Variants in LGSN observed in about 807,000 individuals in gnomAD.
The protein encoded by LGSN is lengsin.
A neutral mutation model predicts 19.5 loss-of-function variants in LGSN; 21 were observed. The observed-to-expected ratio is 1.07, with a 90% confidence interval of 0.76 to 1.55. LGSN has a LOEUF of 1.55. Ranked by LOEUF, LGSN falls within the 40% of genes most tolerant of loss-of-function variation. The pLI is 0.00. For synonymous variants in LGSN, 257 were observed against 215.6 expected (o/e 1.19, Z -1.68); for missense variants, 673 against 608.5 (o/e 1.11, Z -1.12).
At chr6:63,330,513 G>A in the LGSN span, among the ~76,000 whole-genome samples, 46 of 152,276 alleles carry the variant, frequency 3.0e-4, no homozygotes, top group African/African-American at 1.0e-3. Context: ...ATTGACCCTC[G>A]AGTGATTCAG....
chr6:63,507,187 T>G, the LGSN span, among the ~76,000 whole-genome samples: 1 of 152,236 alleles, frequency 6.6e-6, no homozygotes, highest in Admixed American at 6.5e-5. Flanking sequence ...TGAGTGGAAC[T>G]ATAATGTGGT....
chr6:63,288,272 A>C (rs1767625420), intron 2 of LGSN, among the ~76,000 whole-genome samples: 1 of 146,928 alleles, frequency 6.8e-6, no homozygotes, highest in South Asian at 2.1e-4. Context: ...TAAATAAATA[A>C]TAATAATATT....
chr6:63,475,595 G>A, the LGSN span, among the ~76,000 whole-genome samples: 15 of 152,270 alleles, frequency 9.9e-5, no homozygotes, highest in East Asian at 1.9e-4. Context: ...AGAGGTATTC[G>A]AAATAAGGCT....
At chr6:63,481,349 A>ATT in the LGSN span, among the ~76,000 whole-genome samples, 67,301 of 147,828 alleles carry the variant, frequency 0.46, 16,688 homozygotes, top group Non-Finnish European at 0.55. Context: ...CCCAAAAGCT[A>ATT]TTTTTTTTTT....
At chr6:63,359,151 G>A in the LGSN span, among the ~76,000 whole-genome samples, 1 of 152,170 alleles carries the variant, frequency 6.6e-6, no homozygotes, top group Admixed American at 6.6e-5. Context: ...ATTTGCATAT[G>A]TTGAACCAGC....
the LGSN span, among the ~76,000 whole-genome samples, chr6:63,365,953 C>T: frequency 6.6e-6 from 1 of 152,116 alleles, no homozygotes; most frequent in Non-Finnish European, 1.5e-5. Context: ...ATAATAAGAG[C>T]TATTTATGAC....
the LGSN span, among the ~76,000 whole-genome samples, chr6:63,446,690 G>T: frequency 2.0e-5 from 3 of 152,332 alleles, no homozygotes; most frequent in Non-Finnish European, 4.4e-5. Context: ...TTCAGTTCAT[G>T]CTGGCTGTTA....
the LGSN span, among the ~76,000 whole-genome samples, chr6:63,443,109 T>C: frequency 0.6 from 90,705 of 152,056 alleles, 27,400 homozygotes; most frequent in African/African-American, 0.65. Context: ...GGCTGAGGCC[T>C]GGTAAGAATT....
At chr6:63,507,704 C>T in the LGSN span, among the ~76,000 whole-genome samples, 1 of 152,140 alleles carries the variant, frequency 6.6e-6, no homozygotes, top group Non-Finnish European at 1.5e-5. Flanking sequence ...ACAATGAGTA[C>T]CTGAATTATC....
chr6:63,409,784 C>T, the LGSN span, among the ~76,000 whole-genome samples: 4 of 152,124 alleles, frequency 2.6e-5, no homozygotes, highest in African/African-American at 4.8e-5. Context: ...ACCTGTAATC[C>T]CAGCACTTTG....
the LGSN span, among the ~76,000 whole-genome samples, chr6:63,335,965 C>A: frequency 6.6e-6 from 1 of 151,270 alleles, no homozygotes; most frequent in African/African-American, 2.5e-5. Context: ...GCTATACATA[C>A]ACAATGGAAT....
the LGSN span, among the ~76,000 whole-genome samples, chr6:63,546,111 T>C: frequency 2.0e-5 from 3 of 151,942 alleles, no homozygotes; most frequent in African/African-American, 7.3e-5. Flanking sequence ...AGCCAACAAA[T>C]AAAGAAAATG....
the LGSN span, among the ~76,000 whole-genome samples, chr6:63,494,075 A>G: frequency 6.7e-6 from 1 of 149,924 alleles, no homozygotes; most frequent in Non-Finnish European, 1.5e-5. Context: ...TCAGCCTCCC[A>G]AGTAGCTGGG....
At chr6:63,547,598 C>T in the LGSN span, among the ~76,000 whole-genome samples, 17 of 149,742 alleles carry the variant, frequency 1.1e-4, no homozygotes, top group African/African-American at 2.5e-4. Flanking sequence ...CTCCGCCTCC[C>T]GGGTTCATTC....
rs762217032 is a variant in LGSN, at chr6:63,294,904, G to A, written c.163+9C>T. 3 of 1,613,618 alleles carry A rather than the reference G, an allele frequency of 1.9e-6. No individual in the cohort carries two copies. Among genetic ancestry groups the A allele is most frequent in the Non-Finnish European group, 2.5e-6 (3 of 1,179,692 alleles). On this transcript the variant is annotated intron_variant, in intron 2 of 3. Transcript: ENST00000370657. ...ACACCATTTTTGAGGACTCAGAGTA[G>A]TTAGATACCATTTGAATTGGACATA...
At chr6:63,374,692 A>C in the LGSN span, among the ~76,000 whole-genome samples, 3 of 152,240 alleles carry the variant, frequency 2.0e-5, no homozygotes, top group Non-Finnish European at 4.4e-5. Context: ...AAGTCAGTTC[A>C]AAATGGATCC....
the LGSN span, among the ~76,000 whole-genome samples, chr6:63,539,445 G>A: frequency 2.0e-5 from 3 of 151,934 alleles, no homozygotes; most frequent in African/African-American, 4.8e-5. Context: ...ATTCTTTATG[G>A]TTTGCAAATC....
chr6:63,295,302 G>T (rs1395026151), intron 1 of LGSN, among the ~76,000 whole-genome samples: 1 of 152,084 alleles, frequency 6.6e-6, no homozygotes, highest in East Asian at 1.9e-4. Context: ...TTAAAATCGT[G>T]TCTAATTACT....
the LGSN span, among the ~76,000 whole-genome samples, chr6:63,415,304 G>A: frequency 6.6e-6 from 1 of 152,324 alleles, no homozygotes; most frequent in Middle Eastern, 3.4e-3. Context: ...CTGGGAAACA[G>A]AGGGAGACTC....
Sources: gnomAD v4.1 joint callset for allele counts (sites outside exome capture counted in the v4.1 genomes callset) on GRCh38, gnomAD v4.1.1 for gene constraint, MANE v1.5 for transcripts, NCBI Gene and HGNC (gene_info 2026-07-23, HGNC 2026-07-21) for gene names.